SPTLC2: variants seen among roughly 807,000 people sequenced by gnomAD.
SPTLC2 encodes the protein serine palmitoyltransferase 2.
SPTLC2 carries 21 observed loss-of-function variants against 62.0 expected under a neutral mutation model. That is an observed-to-expected ratio of 0.34 (90% CI 0.24 to 0.49). The LOEUF (loss-of-function observed/expected upper bound fraction) is 0.49. SPTLC2 is among the 20% of genes least tolerant of loss of function. The pLI, the probability that SPTLC2 is intolerant of heterozygous loss-of-function variation, is 0.99. For missense variants in SPTLC2, 511 were observed against 713.0 expected, an observed-to-expected ratio of 0.72 and a Z score of 3.23; for synonymous variants, 261 against 261.8, an observed-to-expected ratio of 1.00 and a Z score of 0.03.
intron 4 of SPTLC2, among the ~76,000 whole-genome samples, chr14:77,571,924 G>A (rs1463041476): frequency 2.0e-5 from 3 of 151,840 alleles, no homozygotes; most frequent in Non-Finnish European, 2.9e-5. Flanking sequence ...CCAAGTAGCC[G>A]GGATTACAGG....
Position 77,512,444 on chromosome 14 carries a change from T to C in SPTLC2, c.1570-41A>G, listed in dbSNP as rs756535379. The C allele has an allele frequency of 1.4e-5, 23 of 1,613,938 alleles. No individual in the cohort carries two copies. The South Asian group carries it at 1.8e-4, about 12-fold the overall frequency. Reference sequence around the variant, plus strand: ...CAAAGTAGAGGTCTGTCAGAGCCAGTAGGATGCAGGCATGCCTGGTGTTTT... The same window carrying C: ...CAAAGTAGAGGTCTGTCAGAGCCAGCAGGATGCAGGCATGCCTGGTGTTTT... On this transcript the variant is annotated intron_variant, in intron 11 of 11. Coordinates refer to ENST00000216484, the MANE Select transcript of SPTLC2 (RefSeq NM_004863.4).
At chr14:77,547,217 T>C (rs1382914834) in intron 9 of SPTLC2, among the ~76,000 whole-genome samples, 2 of 151,464 alleles carry the variant, frequency 1.3e-5, no homozygotes, top group Non-Finnish European at 2.9e-5. Flanking sequence ...AGGCAGAAAG[T>C]CACAAAACAG....
At chr14:77,561,631 T>C (rs1392230101) in intron 6 of SPTLC2, among the ~76,000 whole-genome samples, 1 of 147,482 alleles carries the variant, frequency 6.8e-6, no homozygotes, top group African/African-American at 2.5e-5. Context: ...AAAAAGAAAA[T>C]AACAGGTTAC....
chr14:77,600,802 T>C (rs1377708856), intron 1 of SPTLC2, among the ~76,000 whole-genome samples: 1 of 152,094 alleles, frequency 6.6e-6, no homozygotes, highest in Non-Finnish European at 1.5e-5. Flanking sequence ...GGAAGAAATT[T>C]TTTTCCGACA....
chr14:77,523,193 G>C (rs1048592726), intron 9 of SPTLC2, among the ~76,000 whole-genome samples: 2 of 152,204 alleles, frequency 1.3e-5, no homozygotes, highest in African/African-American at 4.8e-5. Flanking sequence ...ACATTTAGAA[G>C]ATGAGACTTC....
At chr14:77,576,673 AGAT>A in intron 4 of SPTLC2, 91 bp downstream of exon 4, 1 of 1,532,906 alleles carries the variant, frequency 6.5e-7, no homozygotes, top group Non-Finnish European at 9.0e-7. Flanking sequence ...GACAAAGTGT[AGAT>A]ATTTAATACT....
At chr14:77,593,463 C>A (rs2140053259) in intron 2 of SPTLC2, among the ~76,000 whole-genome samples, 1 of 152,276 alleles carries the variant, frequency 6.6e-6, no homozygotes, top group East Asian at 1.9e-4. Flanking sequence ...GAACTACTAG[C>A]TTCACCTCAC....
In SPTLC2 at chr14:77,593,473, C is replaced by T. The variant is rs1308709406; in HGVS notation, c.327+3713G>A. Among the ~76,000 whole-genome samples the T allele has an allele frequency of 3.3e-5, 5 of 152,320 alleles. No homozygotes were observed. The East Asian group carries it at 9.6e-4, about 29-fold the overall frequency. On this transcript the variant is annotated intron_variant, in intron 2 of 11. Transcript: ENST00000216484. ...TTTCTGAACTACTAGCTTCACCTCA[C>T]ATCACAAAGAAATAATCCATAGATT...
At chr14:77,530,494 A>G (rs189266114) in intron 9 of SPTLC2, among the ~76,000 whole-genome samples, 3 of 151,898 alleles carry the variant, frequency 2.0e-5, no homozygotes, top group African/African-American at 7.2e-5. Context: ...AGACTTAGCT[A>G]ATTTTTGTAT....
At chr14:77,610,307 A>G (rs1472125326) in intron 1 of SPTLC2, among the ~76,000 whole-genome samples, 1 of 152,082 alleles carries the variant, frequency 6.6e-6, no homozygotes, top group Non-Finnish European at 1.5e-5. Context: ...ACACCCGGCT[A>G]ATTTTTACAT....
intron 5 of SPTLC2, among the ~76,000 whole-genome samples, chr14:77,564,327 A>G (rs2079632066): frequency 6.6e-6 from 1 of 150,384 alleles, no homozygotes; most frequent in Non-Finnish European, 1.5e-5. Context: ...GAGAAGAAGG[A>G]GAATAAGGAA....
chr14:77,606,372 A>ACT (rs2079905331), intron 1 of SPTLC2, among the ~76,000 whole-genome samples: 1 of 83,032 alleles, frequency 1.2e-5, no homozygotes, highest in African/African-American at 4.4e-5. Flanking sequence ...GAGGGAGGGG[A>ACT]CTGTGTGTGT....
chr14:77,514,750 TTA>T (rs1491204242), intron 11 of SPTLC2, among the ~76,000 whole-genome samples: 1 of 152,242 alleles, frequency 6.6e-6, no homozygotes, highest in Non-Finnish European at 1.5e-5. Flanking sequence ...CTATCTAGTT[TTA>T]GAGTATTTTT....
chr14:77,595,034 T>C (rs1453545812), intron 2 of SPTLC2, among the ~76,000 whole-genome samples: 3 of 151,940 alleles, frequency 2.0e-5, no homozygotes, highest in Non-Finnish European at 4.4e-5. Flanking sequence ...GCACTCTGAG[T>C]GGACATGCTC....
chr14:77,553,982 T>G (rs2079569716), intron 8 of SPTLC2, among the ~76,000 whole-genome samples: 1 of 152,072 alleles, frequency 6.6e-6, no homozygotes, highest in African/African-American at 2.4e-5. Flanking sequence ...CACACCCAGC[T>G]AATTTTTTTA....
At chr14:77,598,994 A>C (rs367668175) in intron 1 of SPTLC2, among the ~76,000 whole-genome samples, 18 of 152,224 alleles carry the variant, frequency 1.2e-4, no homozygotes, top group African/African-American at 3.4e-4. Context: ...AAGGGGAAAA[A>C]TTGTTAGTAA....
In SPTLC2 at chr14:77,516,019, T is replaced by C. The variant is rs995692399; in HGVS notation, c.1569+2019A>G. On this transcript the variant is annotated intron_variant, in intron 11 of 11. Coordinates refer to ENST00000216484, the MANE Select transcript of SPTLC2 (RefSeq NM_004863.4). Reference sequence around the variant, plus strand: ...GTGTGTGTGTGTGCGCGCGCGCGCATGTGTGTGTGTGTATTTTACAGCACT... The same window carrying C: ...GTGTGTGTGTGTGCGCGCGCGCGCACGTGTGTGTGTGTATTTTACAGCACT... Among the ~76,000 whole-genome samples the C allele has an allele frequency of 4.9e-4, 12 of 24,382 alleles. No individual in the cohort carries two copies. The Admixed American group carries it at 8.0e-3, about 16-fold the overall frequency. The allele number at this position is 24,382 out of a possible 152,430, so 16.0% of individuals were successfully genotyped here.
At chr14:77,520,219 AGAAT>A (rs2079379377) in intron 10 of SPTLC2, among the ~76,000 whole-genome samples, 2 of 152,230 alleles carry the variant, frequency 1.3e-5, no homozygotes, top group African/African-American at 4.8e-5. Context: ...CACTTAAAGA[AGAAT>A]GAAGAAAATC....
chr14:77,589,768 C>A (rs1391498438), intron 2 of SPTLC2, among the ~76,000 whole-genome samples: 2 of 148,306 alleles, frequency 1.3e-5, no homozygotes, highest in East Asian at 2.0e-4. Context: ...CCATCCTGGG[C>A]GACAGAGCGA....
Sources: gnomAD v4.1 joint callset for allele counts (sites outside exome capture counted in the v4.1 genomes callset) on GRCh38, gnomAD v4.1.1 for gene constraint, MANE v1.5 for transcripts, NCBI Gene and HGNC (gene_info 2026-07-23, HGNC 2026-07-21) for gene names.